ROBO1: variants seen among roughly 807,000 people sequenced by gnomAD.
The protein encoded by ROBO1 is roundabout guidance receptor 1, also known as roundabout homolog 1.
A neutral mutation model predicts 195.9 loss-of-function variants in ROBO1; 149 were observed. That is an observed-to-expected ratio of 0.76 (90% CI 0.67 to 0.87). The LOEUF (loss-of-function observed/expected upper bound fraction) is 0.87. Ranked by LOEUF, ROBO1 falls within the 40% of genes least tolerant of loss-of-function variation. The probability of loss-of-function intolerance (pLI) is 0.00; values close to 1 mark genes in which losing one functional copy is unlikely to be tolerated. For missense variants in ROBO1, 1,933 were observed against 2,068.3 expected, an observed-to-expected ratio of 0.93 and a Z score of 1.27; for synonymous variants, 816 against 733.2, an observed-to-expected ratio of 1.11 and a Z score of -1.82.
intron 1 of ROBO1, among the ~76,000 whole-genome samples, chr3:79,626,148 T>C (rs1945172156): frequency 6.6e-6 from 1 of 152,142 alleles, no homozygotes; most frequent in African/African-American, 2.4e-5. Context: ...CAACATCCTT[T>C]CATGTTAAAA....
chr3:79,651,714 C>G (rs966063172), intron 1 of ROBO1, among the ~76,000 whole-genome samples: 1 of 152,110 alleles, frequency 6.6e-6, no homozygotes, highest in African/African-American at 2.4e-5. Flanking sequence ...TGGACACATA[C>G]AGAGGCTCTC....
intron 1 of ROBO1, among the ~76,000 whole-genome samples, chr3:79,601,807 A>T (rs139241545): frequency 6.6e-6 from 1 of 151,948 alleles, no homozygotes; most frequent in South Asian, 2.1e-4. Context: ...TTTTGTACAC[A>T]AATTAATTTC....
At chr3:79,012,201 T>G (rs1008153091) in intron 3 of ROBO1, among the ~76,000 whole-genome samples, 1 of 152,166 alleles carries the variant, frequency 6.6e-6, no homozygotes, top group African/African-American at 2.4e-5. Flanking sequence ...GAAAAATAGA[T>G]CCCCAAAATA....
intron 3 of ROBO1, among the ~76,000 whole-genome samples, chr3:78,990,738 T>C (rs1277635349): frequency 6.6e-6 from 1 of 152,046 alleles, no homozygotes; most frequent in African/African-American, 2.4e-5. Context: ...ATTTTATACA[T>C]AAACTAAAAA....
intron 4 of ROBO1, among the ~76,000 whole-genome samples, chr3:78,748,446 T>G: frequency 1.5e-5 from 2 of 133,900 alleles, no homozygotes; most frequent in East Asian, 2.0e-4. Context: ...AATAAATAAA[T>G]AAATAAATAA....
At chr3:79,256,693 T>C (rs2082840227) in intron 2 of ROBO1, among the ~76,000 whole-genome samples, 1 of 152,180 alleles carries the variant, frequency 6.6e-6, no homozygotes, top group African/African-American at 2.4e-5. Context: ...AGTTATGAAG[T>C]ACTTTACATC....
chr3:79,067,671 G>A (rs1223245832), intron 3 of ROBO1, among the ~76,000 whole-genome samples: 1 of 151,924 alleles, frequency 6.6e-6, no homozygotes, highest in Non-Finnish European at 1.5e-5. Flanking sequence ...TCTAAAGACT[G>A]AATGAGAAAG....
In ROBO1 at chr3:79,283,096, A is replaced by C. The variant is rs371064754; in HGVS notation, c.89-157557T>G. ...GTCATGTTTAAATAAGTTTCAGGGTAATTCTAAATAATTCTTTGTACCTAA... is the reference window on the plus strand; with the variant it reads ...GTCATGTTTAAATAAGTTTCAGGGTCATTCTAAATAATTCTTTGTACCTAA... On this transcript the variant is annotated intron_variant, in intron 2 of 30. Transcript: ENST00000464233. Among the ~76,000 whole-genome samples the C allele has an allele frequency of 9.8e-5, 15 of 152,376 alleles. No homozygotes were observed. The South Asian group carries it at 2.7e-3, about 27-fold the overall frequency.
intron 2 of ROBO1, among the ~76,000 whole-genome samples, chr3:79,341,081 G>T (rs2034887335): frequency 2.0e-5 from 3 of 152,080 alleles, no homozygotes; most frequent in Admixed American, 6.5e-5. Context: ...TTGGAAGGTG[G>T]GTAAGTCCAA....
chr3:79,274,344 G>A (rs1214397272), intron 2 of ROBO1, among the ~76,000 whole-genome samples: 1 of 151,652 alleles, frequency 6.6e-6, no homozygotes, highest in Non-Finnish European at 1.5e-5. Context: ...AATAAAAACA[G>A]GAATTTTGGA....
intron 4 of ROBO1, among the ~76,000 whole-genome samples, chr3:78,761,992 G>A (rs1004697170): frequency 1.3e-5 from 2 of 151,978 alleles, no homozygotes; most frequent in Non-Finnish European, 2.9e-5. Flanking sequence ...ATGTGCATTT[G>A]ATCTCAAAAA....
chr3:78,947,250 C>G lies in ROBO1; in HGVS notation c.173-8323G>C, dbSNP rs138932179. Reference sequence around the variant, plus strand: ...TTTCAGCACCACACCACACCTACTCCAAAACTGACCACATAGTAGGAAGTA... The same window carrying G: ...TTTCAGCACCACACCACACCTACTCGAAAACTGACCACATAGTAGGAAGTA... On this transcript the variant is annotated intron_variant, in intron 3 of 30. Transcript: ENST00000464233. Among the ~76,000 whole-genome samples, 509 of 152,218 alleles carry G rather than the reference C, an allele frequency of 3.3e-3. 4 individuals carry two copies. The highest frequency in any genetic ancestry group is 0.012 in the African/African-American group (484 of 41,544).
chr3:79,413,886 T>G (rs1020548970), intron 2 of ROBO1, among the ~76,000 whole-genome samples: 1 of 151,996 alleles, frequency 6.6e-6, no homozygotes, highest in Non-Finnish European at 1.5e-5. Context: ...AATATCTGAC[T>G]CCCCAAGGGC....
At chr3:79,241,507 G>A (rs1049055674) in intron 2 of ROBO1, among the ~76,000 whole-genome samples, 2 of 151,844 alleles carry the variant, frequency 1.3e-5, no homozygotes, top group African/African-American at 4.8e-5. Flanking sequence ...TCAAAGGGAC[G>A]TGGTGAAATT....
At chr3:79,609,279 A>T (rs891227943) in intron 1 of ROBO1, among the ~76,000 whole-genome samples, 5 of 151,948 alleles carry the variant, frequency 3.3e-5, no homozygotes, top group African/African-American at 1.2e-4. Context: ...TAAGGAAAAA[A>T]AAAACTGAAA....
intron 2 of ROBO1, among the ~76,000 whole-genome samples, chr3:79,171,088 T>C (rs2081156713): frequency 6.6e-6 from 1 of 150,890 alleles, no homozygotes; most frequent in South Asian, 2.1e-4. Context: ...ATTATTATTT[T>C]ATATAATTTC....
chr3:78,956,456 G>T (rs1438392889), intron 3 of ROBO1, among the ~76,000 whole-genome samples: 1 of 151,854 alleles, frequency 6.6e-6, no homozygotes, highest in Non-Finnish European at 1.5e-5. Flanking sequence ...AATTTTGAAG[G>T]AAAAAAGCCA....
chr3:79,604,985 T>C (rs73849640), intron 1 of ROBO1, among the ~76,000 whole-genome samples: 6,450 of 152,074 alleles, frequency 0.042, 450 homozygotes, highest in African/African-American at 0.15. Context: ...AGAAGAGTTG[T>C]CTCTACTCAC....
chr3:79,343,409 T>G (rs2034987080), intron 2 of ROBO1, among the ~76,000 whole-genome samples: 1 of 152,128 alleles, frequency 6.6e-6, no homozygotes, highest in Non-Finnish European at 1.5e-5. Flanking sequence ...AAGAAACTGT[T>G]CTCTAAAGTG....
Sources: gnomAD v4.1 joint callset for allele counts (sites outside exome capture counted in the v4.1 genomes callset) on GRCh38, gnomAD v4.1.1 for gene constraint, MANE v1.5 for transcripts, NCBI Gene and HGNC (gene_info 2026-07-23, HGNC 2026-07-21) for gene names.